The following SORCS1 variants were observed in gnomAD, a reference collection of about 807,000 sequenced individuals.
SORCS1 encodes VPS10 domain-containing receptor SorCS1.
In SORCS1, 60 loss-of-function variants were observed where a neutral mutation model predicts 146.1. The ratio of observed to expected loss-of-function variants is 0.41; its 90% CI spans 0.33 to 0.51. SORCS1 has a LOEUF of 0.51. SORCS1 is among the 20% of genes least tolerant of loss of function. The probability of loss-of-function intolerance (pLI) is 0.21; values close to 1 mark genes in which losing one functional copy is unlikely to be tolerated. For synonymous variants in SORCS1, 637 were observed against 584.0 expected (o/e 1.09, Z -1.31); for missense variants, 1,352 against 1,487.6 (o/e 0.91, Z 1.50).
chr10:107,124,704 T>C (rs1174721861), intron 1 of SORCS1, among the ~76,000 whole-genome samples: 7 of 152,200 alleles, frequency 4.6e-5, no homozygotes, highest in South Asian at 2.1e-4. Context: ...TGAGGACTCA[T>C]GTAAGAACAA....
At position 107,093,047 on chromosome 10, in the gene SORCS1, T is replaced by C. The variant is rs144346367; in HGVS notation, c.558+70922A>G. Among the ~76,000 whole-genome samples, 71 of 152,314 alleles carry C rather than the reference T, an allele frequency of 4.7e-4. 3 individuals carry two copies. Among genetic ancestry groups the C allele is most frequent in the African/African-American group, 1.6e-3 (65 of 41,572 alleles). On this transcript the variant is annotated intron_variant, in intron 1 of 25. Transcript: ENST00000263054. Reference sequence around the variant, plus strand: ...TTTCAGTCATTTCTCATTTAATCCTTACAAAAGCCTCATGCAGCTTATGCT... The same window carrying C: ...TTTCAGTCATTTCTCATTTAATCCTCACAAAAGCCTCATGCAGCTTATGCT...
chr10:106,759,124 A>T (rs889495681), intron 5 of SORCS1, among the ~76,000 whole-genome samples: 1 of 152,206 alleles, frequency 6.6e-6, no homozygotes, highest in Non-Finnish European at 1.5e-5. Flanking sequence ...GAAAGATAAA[A>T]ATGCATTCCT....
intron 2 of SORCS1, among the ~76,000 whole-genome samples, chr10:106,893,563 A>T (rs528935900): frequency 2.9e-3 from 437 of 152,346 alleles, no homozygotes; most frequent in Non-Finnish European, 4.7e-3. Context: ...ATAATTTTAC[A>T]CACCGAAAAT....
At chr10:106,854,894 G>C (rs955638290) in intron 2 of SORCS1, among the ~76,000 whole-genome samples, 1 of 152,120 alleles carries the variant, frequency 6.6e-6, no homozygotes, top group African/African-American at 2.4e-5. Flanking sequence ...GAAGAAAGTG[G>C]TATCTGTGAG....
At chr10:106,752,550 G>A (rs1031527776) in intron 5 of SORCS1, among the ~76,000 whole-genome samples, 49 of 152,146 alleles carry the variant, frequency 3.2e-4, no homozygotes, top group African/African-American at 1.1e-3. Flanking sequence ...GAATTAGAGT[G>A]GGTAGTAGGT....
At chr10:106,601,156 GA>G (rs1448881576) in intron 23 of SORCS1, among the ~76,000 whole-genome samples, 1 of 152,188 alleles carries the variant, frequency 6.6e-6, no homozygotes, top group African/African-American at 2.4e-5. Flanking sequence ...CAGCCTAAAT[GA>G]GAAGAAAAAC....
intron 2 of SORCS1, among the ~76,000 whole-genome samples, chr10:106,906,537 A>G (rs1278048714): frequency 6.6e-6 from 1 of 152,184 alleles, no homozygotes; most frequent in Non-Finnish European, 1.5e-5. Context: ...GAAGAAGCAA[A>G]AGCAGAAACA....
rs570048674 is a variant in SORCS1, at chr10:106,701,968, T to G, written c.1234-2575A>C. Among the ~76,000 whole-genome samples, 26 of 152,370 alleles carry G rather than the reference T, an allele frequency of 1.7e-4. No individual in the cohort carries two copies. The South Asian group carries it at 5.2e-3, about 30-fold the overall frequency. The stretch of plus-strand genomic sequence containing the variant: ...CCCTTACATCCCTTTTGTTGATTAA[T>G]CTAGGTTCATGTGACCTTTCTGTTT... On this transcript the variant is annotated intron_variant, in intron 8 of 25. Transcript: ENST00000263054.
intron 2 of SORCS1, among the ~76,000 whole-genome samples, chr10:106,867,667 A>G (rs1032285863): frequency 6.6e-6 from 1 of 152,234 alleles, no homozygotes; most frequent in African/African-American, 2.4e-5. Flanking sequence ...AAGGAGAAAT[A>G]AGTTCCTTTT....
Position 106,585,053 on chromosome 10 carries a change from A to T in SORCS1, c.3266-5579T>A, listed in dbSNP as rs189703705. Among the ~76,000 whole-genome samples, 109 of 152,090 alleles carry T rather than the reference A, an allele frequency of 7.2e-4. 2 individuals carry two copies. Among genetic ancestry groups the T allele is most frequent in the African/African-American group, 2.4e-3 (100 of 41,438 alleles). ...TTAGCTAGGCTTCACTTGAAAAAAA[A>T]ACATGTATAGTCCAAAAAAAATTAG... is the stretch of plus-strand genomic sequence containing the variant. On this transcript the variant is annotated intron_variant, in intron 24 of 25. Coordinates refer to ENST00000263054, the MANE Select transcript of SORCS1 (RefSeq NM_052918.5).
At chr10:106,840,239 TC>T (rs1466827340) in intron 2 of SORCS1, among the ~76,000 whole-genome samples, 1 of 152,212 alleles carries the variant, frequency 6.6e-6, no homozygotes, top group Non-Finnish European at 1.5e-5. Flanking sequence ...TTAAGAACAT[TC>T]ATAATTCATG....
At chr10:107,068,869 CAAAA>C (rs397763642) in intron 1 of SORCS1, among the ~76,000 whole-genome samples, 4 of 122,730 alleles carry the variant, frequency 3.3e-5, no homozygotes, top group Non-Finnish European at 3.5e-5. Context: ...GACTCCGTCT[CAAAA>C]AAAAAAAAAA....
intron 2 of SORCS1, among the ~76,000 whole-genome samples, chr10:106,897,233 T>C (rs1951524637): frequency 6.6e-6 from 1 of 151,836 alleles, no homozygotes; most frequent in Non-Finnish European, 1.5e-5. Context: ...CAGGCTGGAG[T>C]GCAGTGGTGT....
intron 3 of SORCS1, among the ~76,000 whole-genome samples, chr10:106,815,316 G>GAGGGATAA (rs1947684254): frequency 6.6e-6 from 1 of 152,134 alleles, no homozygotes; most frequent in Non-Finnish European, 1.5e-5. Context: ...GGGAGGGAGA[G>GAGGGATAA]AGGGAAGAAA....
intron 6 of SORCS1, among the ~76,000 whole-genome samples, chr10:106,723,064 C>T (rs755572666): frequency 6.6e-6 from 1 of 152,088 alleles, no homozygotes; most frequent in African/African-American, 2.4e-5. Context: ...TGTGGTGGCT[C>T]ATGCCTATCC....
At chr10:106,896,461 G>C (rs1185862129) in intron 2 of SORCS1, among the ~76,000 whole-genome samples, 1 of 148,578 alleles carries the variant, frequency 6.7e-6, no homozygotes, top group African/African-American at 2.5e-5. Flanking sequence ...ATGAAAAGTA[G>C]AATAGTGGCT....
At chr10:106,610,803 ACGCAGTGGCTCACGCCTGTAAT>A in intron 22 of SORCS1, among the ~76,000 whole-genome samples, 1 of 152,144 alleles carries the variant, frequency 6.6e-6, no homozygotes, top group Non-Finnish European at 1.5e-5. Flanking sequence ...TAAGGGGCCG[ACGCAGTGGCTCACGCCTGTAAT>A]CCCAACACTT....
At chr10:106,930,403 C>T (rs369531688) in intron 2 of SORCS1, among the ~76,000 whole-genome samples, 16 of 152,320 alleles carry the variant, frequency 1.1e-4, no homozygotes, top group African/African-American at 3.8e-4. Context: ...AAACAGTCAT[C>T]AGCTACCCTG....
chr10:106,837,475 A>G (rs1329816671), intron 2 of SORCS1, among the ~76,000 whole-genome samples: 1 of 151,748 alleles, frequency 6.6e-6, no homozygotes, highest in Non-Finnish European at 1.5e-5. Context: ...TTCCATGATG[A>G]TTGAATAAAG....
Sources: allele counts gnomAD v4.1 joint callset (sites outside exome capture counted in the v4.1 genomes callset), GRCh38; gene constraint gnomAD v4.1.1; transcripts MANE v1.5; gene names NCBI Gene and HGNC (gene_info 2026-07-23, HGNC 2026-07-21).